The following PDE1A variants were observed in gnomAD, a reference collection of about 807,000 sequenced individuals.
PDE1A encodes the protein phosphodiesterase 1A, also known as dual specificity calcium/calmodulin-dependent 3',5'-cyclic nucleotide phosphodiesterase 1A.
A neutral mutation model predicts 61.7 loss-of-function variants in PDE1A; 35 were observed. The observed-to-expected ratio is 0.57, with a 90% CI of 0.43 to 0.75. The LOEUF is 0.75. Ranked by LOEUF, PDE1A falls within the 30% of genes least tolerant of loss-of-function variation. The pLI, the probability that PDE1A is intolerant of heterozygous loss-of-function variation, is 0.00. For missense variants in PDE1A, 597 were observed against 630.6 expected, an observed-to-expected ratio of 0.95 and a Z score of 0.57; for synonymous variants, 232 against 213.2, an observed-to-expected ratio of 1.09 and a Z score of -0.77.
chr2:182,596,679 CTGGATGGATGGATGGATGGA>C, the PDE1A span, among the ~76,000 whole-genome samples: 1 of 148,986 alleles, frequency 6.7e-6, no homozygotes, highest in Non-Finnish European at 1.5e-5. Flanking sequence ...GAATAATAAA[CTGGATGGATGGATGGATGGA>C]TGGATGGATG....
rs73040184 is a variant in PDE1A, at chr2:182,156,774, C to G, written c.1517-9622G>C. On this transcript the variant is annotated intron_variant, in intron 13 of 13. Transcript: ENST00000409365. ...ATCCAGCAGCAAGGCCTGCACAAGT[C>G]CTATACCCGTGGGGATTTCAAAGTA... is the stretch of plus-strand genomic sequence containing the variant. 7.5e-3 allele frequency among the ~76,000 whole-genome samples: 1,137 copies of G among 152,114 alleles called. 13 individuals are homozygous for G. Among genetic ancestry groups the G allele is most frequent in the African/African-American group, 0.025 (1,035 of 41,516 alleles).
intron 1 of PDE1A, among the ~76,000 whole-genome samples, chr2:182,361,334 G>A (rs1462695189): frequency 6.6e-6 from 1 of 152,070 alleles, no homozygotes; most frequent in Non-Finnish European, 1.5e-5. Context: ...GGCAAAAAAT[G>A]TGATCTCTAA....
At chr2:182,702,887 A>G in the PDE1A span, among the ~76,000 whole-genome samples, 2 of 152,256 alleles carry the variant, frequency 1.3e-5, no homozygotes, top group East Asian at 3.8e-4. Flanking sequence ...CAGTTAAAAT[A>G]TATCAGTTTG....
chr2:182,515,576 T>G (rs1178541845), intron 2 of PDE1A, among the ~76,000 whole-genome samples: 3 of 152,224 alleles, frequency 2.0e-5, no homozygotes. Context: ...TAGGACTGAA[T>G]ATTAAGACTA....
the PDE1A span, among the ~76,000 whole-genome samples, chr2:182,620,037 A>G: frequency 6.6e-6 from 1 of 152,160 alleles, no homozygotes; most frequent in Non-Finnish European, 1.5e-5. Flanking sequence ...ATATTGTTAC[A>G]ATGGCAGTTA....
intron 1 of PDE1A, among the ~76,000 whole-genome samples, chr2:182,373,659 G>C (rs1186102672): frequency 6.6e-6 from 1 of 152,134 alleles, no homozygotes; most frequent in Non-Finnish European, 1.5e-5. Context: ...CACTTCACTT[G>C]AGAAACAGAA....
rs970545893 is a variant in PDE1A, at chr2:182,273,959, A to G, written c.54-9545T>C. On this transcript the variant is annotated intron_variant, in intron 1 of 13. Transcript: ENST00000351439. ...TAAACAAGAGAAATTTCTTTCTCGC[A>G]GTCCTGGAGGCTGGGAAATCCCTGA... is the stretch of plus-strand genomic sequence containing the variant. Among the ~76,000 whole-genome samples the G allele has an allele frequency of 9.9e-5, 15 of 152,140 alleles. 1 individual carries two copies. The highest frequency in any genetic ancestry group is 2.7e-4 in the African/African-American group (11 of 41,452).
chr2:182,166,196 A>G (rs1691641699), downstream of PDE1A, among the ~76,000 whole-genome samples: 1 of 152,070 alleles, frequency 6.6e-6, no homozygotes, highest in African/African-American at 2.4e-5. Context: ...CTGGTGAAGC[A>G]TTGTTTTGGG....
chr2:182,293,631 C>T (rs1683640192), intron 1 of PDE1A, among the ~76,000 whole-genome samples: 1 of 152,076 alleles, frequency 6.6e-6, no homozygotes, highest in African/African-American at 2.4e-5. Flanking sequence ...ATGTCTGAAA[C>T]TACAGAAAGT....
the PDE1A span, among the ~76,000 whole-genome samples, chr2:182,638,486 A>G: frequency 6.6e-6 from 1 of 152,166 alleles, no homozygotes; most frequent in South Asian, 2.1e-4. Flanking sequence ...CAGTGAGCTG[A>G]GATTGCGCCC....
At chr2:182,549,982 A>T in the PDE1A span, among the ~76,000 whole-genome samples, 5 of 152,084 alleles carry the variant, frequency 3.3e-5, no homozygotes, top group African/African-American at 1.2e-4. Flanking sequence ...TTTTATTTTC[A>T]CCTTCATAGT....
At chr2:182,383,071 C>A (rs926053075) in intron 1 of PDE1A, among the ~76,000 whole-genome samples, 1 of 152,192 alleles carries the variant, frequency 6.6e-6, no homozygotes, top group Non-Finnish European at 1.5e-5. Flanking sequence ...CTCCTTGCCT[C>A]ATCTGCAATT....
the PDE1A span, among the ~76,000 whole-genome samples, chr2:182,649,607 C>CAAA: frequency 3.4e-4 from 39 of 113,098 alleles, no homozygotes; most frequent in African/African-American, 1.1e-3. Context: ...CCACTCTATA[C>CAAA]AAAAAAAAAA....
chr2:182,704,346 T>G, the PDE1A span, among the ~76,000 whole-genome samples: 3 of 152,102 alleles, frequency 2.0e-5, no homozygotes, highest in African/African-American at 7.2e-5. Flanking sequence ...CAGGGCTCTG[T>G]GAAATTCAGA....
chr2:182,386,034 T>TG (rs1264984234), intron 1 of PDE1A, among the ~76,000 whole-genome samples: 1 of 152,208 alleles, frequency 6.6e-6, no homozygotes, highest in Non-Finnish European at 1.5e-5. Flanking sequence ...TGTGTTTTTT[T>TG]GGTGGAGACG....
chr2:182,371,601 T>TA (rs1280190023), intron 1 of PDE1A, among the ~76,000 whole-genome samples: 1 of 152,178 alleles, frequency 6.6e-6, no homozygotes, highest in Admixed American at 6.5e-5. Context: ...ACAATTTGTT[T>TA]ACTGGATATC....
the PDE1A span, among the ~76,000 whole-genome samples, chr2:182,608,445 C>T: frequency 6.6e-6 from 1 of 152,178 alleles, no homozygotes; most frequent in African/African-American, 2.4e-5. Context: ...CCTCAGCTTG[C>T]GAGGAGATGT....
intron 1 of PDE1A, among the ~76,000 whole-genome samples, chr2:182,281,097 C>G (rs1693773138): frequency 6.6e-6 from 1 of 151,708 alleles, no homozygotes; most frequent in Admixed American, 6.6e-5. Context: ...AACAGAAAGT[C>G]CATTTAGATA....
chr2:182,358,541 G>A (rs1281754909), intron 1 of PDE1A, among the ~76,000 whole-genome samples: 1 of 151,910 alleles, frequency 6.6e-6, no homozygotes, highest in Non-Finnish European at 1.5e-5. Context: ...TCATCTCTGT[G>A]CCTCCTCTAG....
Sources: gnomAD v4.1 joint callset for allele counts (sites outside exome capture counted in the v4.1 genomes callset) on GRCh38, gnomAD v4.1.1 for gene constraint, MANE v1.5 for transcripts, NCBI Gene and HGNC (gene_info 2026-07-23, HGNC 2026-07-21) for gene names.